The following GDI2 variants were observed in gnomAD, a reference collection of about 807,000 sequenced individuals.
GDI2 encodes rab GDP dissociation inhibitor beta.
GDI2 carries 22 observed loss-of-function variants against 54.2 expected under a neutral mutation model. The ratio of observed to expected loss-of-function variants is 0.41; its 90% CI spans 0.29 to 0.58. The LOEUF is 0.58. Ranked by LOEUF, GDI2 falls within the 20% of genes least tolerant of loss-of-function variation. The pLI is 0.35. For synonymous variants in GDI2, 177 were observed against 182.1 expected (o/e 0.97, Z 0.23); for missense variants, 422 against 546.0 (o/e 0.77, Z 2.26).
intron 6 of GDI2, among the ~76,000 whole-genome samples, chr10:5,779,302 A>G (rs943916587): frequency 4.6e-5 from 7 of 151,952 alleles, no homozygotes; most frequent in Non-Finnish European, 1.0e-4. Context: ...CAAGGTCAGG[A>G]GATGAGACCA....
intron 5 of GDI2, 55 bp downstream of exon 5, chr10:5,785,797 G>T: frequency 9.3e-7 from 1 of 1,074,512 alleles, no homozygotes; most frequent in Non-Finnish European, 1.4e-6. Context: ...GGAAGACTTG[G>T]GAAATTTAGT....
At chr10:5,808,837 G>GA (rs1227054501) in intron 1 of GDI2, among the ~76,000 whole-genome samples, 4 of 151,150 alleles carry the variant, frequency 2.6e-5, no homozygotes, top group Non-Finnish European at 5.9e-5. Context: ...AAATTAACCA[G>GA]AAAAATTTTA....
chr10:5,783,065 C>T (rs1840797226), intron 6 of GDI2, among the ~76,000 whole-genome samples: 1 of 152,100 alleles, frequency 6.6e-6, no homozygotes, highest in East Asian at 1.9e-4. Context: ...TCTATAGTGA[C>T]AGAAATCACA....
intron 8 of GDI2, among the ~76,000 whole-genome samples, chr10:5,767,565 G>T (rs1335727297): frequency 1.3e-5 from 2 of 152,046 alleles, no homozygotes; most frequent in Non-Finnish European, 2.9e-5. Flanking sequence ...CCTCAAGCAA[G>T]CCTCCTGCCT....
Position 5,765,774 on chromosome 10 carries a change from A to AG in GDI2, c.*231_*232insC. The AG allele has an allele frequency of 4.4e-6, 2 of 454,874 alleles. No individual in the cohort carries two copies. The highest frequency in any genetic ancestry group is 5.6e-4 in the Middle Eastern group (1 of 1,794). 28.2% of individuals were successfully genotyped at this position (454,874 alleles called of 1,614,324 possible). A position where few individuals can be genotyped will look rare whatever the true frequency, so the allele number is the denominator to read the frequency against. On this transcript the variant is annotated 3_prime_UTR_variant, in exon 11 of 11. Coordinates refer to ENST00000380191, the MANE Select transcript of GDI2 (RefSeq NM_001494.4). ...TGTTTGTTTAACTTCACTAGAAAAAAAAAAAGCCAGTTTGGTTAAATTGAA... is the reference window on the plus strand; with the variant it reads ...TGTTTGTTTAACTTCACTAGAAAAAAGAAAAAGCCAGTTTGGTTAAATTGAA...
chr10:5,790,168 G>A lies in GDI2; in HGVS notation c.389-4118C>T, dbSNP rs114178837. 5.0e-3 allele frequency among the ~76,000 whole-genome samples: 757 copies of A among 152,312 alleles called. 9 individuals are homozygous for A. Among genetic ancestry groups the A allele is most frequent in the African/African-American group, 0.017 (726 of 41,546 alleles). On this transcript the variant is annotated intron_variant, in intron 4 of 10. Transcript: ENST00000380191. ...CCTTGAAACGTACCAACTGACTTCAGGTCTGCGGCTGCAGTTGCCCGCCAT... is the reference window on the plus strand; with the variant it reads ...CCTTGAAACGTACCAACTGACTTCAAGTCTGCGGCTGCAGTTGCCCGCCAT...
At chr10:5,795,708 T>C (rs11255228) in intron 3 of GDI2, among the ~76,000 whole-genome samples, 82,174 of 151,790 alleles carry the variant, frequency 0.54, 22,855 homozygotes, top group Middle Eastern at 0.67. Context: ...GGAGGGAGGA[T>C]TGTTTGAGCC....
chr10:5,809,544 GT>G (rs1430421995), intron 1 of GDI2, among the ~76,000 whole-genome samples: 1 of 152,232 alleles, frequency 6.6e-6, no homozygotes, highest in African/African-American at 2.4e-5. Context: ...CTTTACGAAG[GT>G]TTTCCTGATT....
chr10:5,808,726 TACACAC>T (rs111237506), intron 1 of GDI2, among the ~76,000 whole-genome samples: 10 of 138,322 alleles, frequency 7.2e-5, no homozygotes, highest in South Asian at 2.3e-4. Flanking sequence ...AAACTACAAA[TACACAC>T]ACACACACAC....
At chr10:5,808,895 T>C (rs1452519751) in intron 1 of GDI2, among the ~76,000 whole-genome samples, 1 of 152,120 alleles carries the variant, frequency 6.6e-6, no homozygotes, top group African/African-American at 2.4e-5. Context: ...ATAATAAAAA[T>C]GGCTGTTTTA....
intron 4 of GDI2, among the ~76,000 whole-genome samples, chr10:5,794,297 T>C (rs1257465148): frequency 7.1e-6 from 1 of 141,116 alleles, no homozygotes; most frequent in Non-Finnish European, 1.5e-5. Context: ...AATTAGAAGA[T>C]GAGCATCATC....
At chr10:5,808,999 C>T (rs1277834550) in intron 1 of GDI2, among the ~76,000 whole-genome samples, 8 of 152,108 alleles carry the variant, frequency 5.3e-5, no homozygotes, top group Non-Finnish European at 1.2e-4. Flanking sequence ...AATCCCAGCA[C>T]TTTGGGAGGC....
intron 5 of GDI2, 90 bp from the exon 6 acceptor site, chr10:5,785,363 G>T: frequency 2.1e-6 from 2 of 952,738 alleles, no homozygotes; most frequent in East Asian, 2.6e-5. Flanking sequence ...ATTTCAATCC[G>T]CTATCTTCTT....
At chr10:5,792,281 A>C (rs1349534043) in intron 4 of GDI2, among the ~76,000 whole-genome samples, 1 of 152,198 alleles carries the variant, frequency 6.6e-6, no homozygotes, top group Non-Finnish European at 1.5e-5. Flanking sequence ...CCATCTGTAA[A>C]ATAAAAAATA....
chr10:5,794,191 ATATATATATATATAT>A lies in GDI2; in HGVS notation c.388+679_388+693del, dbSNP rs1841091262. Among the ~76,000 whole-genome samples, 94 of 31,930 alleles carry A rather than the reference ATATATATATATATAT, an allele frequency of 2.9e-3. 8 individuals carry two copies. Among genetic ancestry groups the A allele is most frequent in the East Asian group, 0.019 (12 of 644 alleles). The allele number at this position is 31,930 out of a possible 152,430, so 20.9% of individuals were successfully genotyped here. A position where few individuals can be genotyped will look rare whatever the true frequency, so the allele number is the denominator to read the frequency against. On this transcript the variant is annotated intron_variant, in intron 4 of 10. Transcript: ENST00000380191. ...TTAAAAGAAAAAAAAAAAAAAAAATATATATATATATATATATATATATATATATATATATATATA... is the reference window on the plus strand; with the variant it reads ...TTAAAAGAAAAAAAAAAAAAAAAATAATATATATATATATATATATATATA...
chr10:5,768,137 A>T lies in GDI2; in HGVS notation c.991+76T>A. 1.6e-6 allele frequency: 2 copies of T among 1,244,920 alleles called. No individual in the cohort carries two copies. The highest frequency in any genetic ancestry group is 2.3e-6 in the Non-Finnish European group (2 of 862,632). The allele number at this position is 1,244,920 out of a possible 1,614,324, so 77.1% of individuals were successfully genotyped here. A position where few individuals can be genotyped will look rare whatever the true frequency, so the allele number is the denominator to read the frequency against. ...GTTCACTAATACAGCATACAAAATTAGGAATTTGGGATAAAACACAAAGCA... is the reference window on the plus strand; with the variant it reads ...GTTCACTAATACAGCATACAAAATTTGGAATTTGGGATAAAACACAAAGCA... On this transcript the variant is annotated intron_variant, in intron 8 of 10. Transcript: ENST00000380191. This position sits in a 1 kb window ranked among gnomAD's most constrained non-coding sequence, Gnocchi z 4.4.
intron 1 of GDI2, among the ~76,000 whole-genome samples, chr10:5,805,388 G>C (rs959863363): frequency 7.4e-6 from 1 of 135,548 alleles, no homozygotes; most frequent in African/African-American, 2.7e-5. Flanking sequence ...AAAAAAAAAG[G>C]TTGGCAGGAT....
At chr10:5,812,123 AAGTT>A (rs1396245464) in intron 1 of GDI2, among the ~76,000 whole-genome samples, 24 of 152,110 alleles carry the variant, frequency 1.6e-4, no homozygotes, top group Middle Eastern at 3.4e-3. Flanking sequence ...AAGCAGCCCA[AAGTT>A]AGAATTTCAA....
At chr10:5,785,050 GATCTC>G in intron 6 of GDI2, 87 bp downstream of exon 6, 1 of 782,738 alleles carries the variant, frequency 1.3e-6, no homozygotes, top group Non-Finnish European at 2.0e-6. Flanking sequence ...CTCATAGACT[GATCTC>G]ATCTCATTAT....
Sources: gnomAD v4.1 joint callset for allele counts (sites outside exome capture counted in the v4.1 genomes callset) on GRCh38, gnomAD v4.1.1 for gene constraint, Gnocchi (gnomAD v3.1) non-coding constraint, MANE v1.5 for transcripts, NCBI Gene and HGNC (gene_info 2026-07-23, HGNC 2026-07-21) for gene names.